The following CTNNA2 variants were observed in gnomAD, a reference collection of about 807,000 sequenced individuals.
CTNNA2 encodes the protein catenin alpha 2, also known as catenin alpha-2.
In CTNNA2, 42 loss-of-function variants were observed where a neutral mutation model predicts 101.0. The observed-to-expected ratio is 0.42, with a 90% CI of 0.32 to 0.54. The LOEUF is 0.54. Among genes scored for constraint, CTNNA2 ranks in the 20% least tolerant of loss-of-function variants. The pLI is 0.14. For missense variants in CTNNA2, 871 were observed against 1,223.1 expected, an observed-to-expected ratio of 0.71 and a Z score of 4.29; for synonymous variants, 450 against 456.4, an observed-to-expected ratio of 0.99 and a Z score of 0.18.
At chr2:80,305,763 G>T (rs1360759587) in intron 7 of CTNNA2, among the ~76,000 whole-genome samples, 2 of 152,066 alleles carry the variant, frequency 1.3e-5, no homozygotes, top group Admixed American at 6.6e-5. Flanking sequence ...GGGAGGGTCA[G>T]TTGGTCATCT....
At chr2:79,544,346 A>G (rs777461048) in intron 1 of CTNNA2, among the ~76,000 whole-genome samples, 2 of 152,204 alleles carry the variant, frequency 1.3e-5, no homozygotes, top group Non-Finnish European at 2.9e-5. Context: ...AAGACAAACC[A>G]CAAAATGACT....
intron 3 of CTNNA2, among the ~76,000 whole-genome samples, chr2:79,784,320 C>T (rs1674676474): frequency 6.6e-6 from 1 of 151,830 alleles, no homozygotes; most frequent in African/African-American, 2.4e-5. Flanking sequence ...GCCGTAGTTC[C>T]CCTGGGCACA....
intron 4 of CTNNA2, among the ~76,000 whole-genome samples, chr2:79,480,849 T>C (rs1008422755): frequency 2.0e-5 from 3 of 152,188 alleles, no homozygotes; most frequent in Admixed American, 6.5e-5. Flanking sequence ...GTTTGCATCA[T>C]TAATCTTGTT....
At chr2:79,527,475 A>AAAG (rs1491453306) in intron 1 of CTNNA2, among the ~76,000 whole-genome samples, 4 of 52,980 alleles carry the variant, frequency 7.6e-5, no homozygotes, top group African/African-American at 6.5e-4. Flanking sequence ...CTAAAAATAC[A>AAAG]AAAAAAAAAA....
chr2:80,374,154 G>T (rs1320959773), intron 7 of CTNNA2, among the ~76,000 whole-genome samples: 1 of 152,124 alleles, frequency 6.6e-6, no homozygotes, highest in Non-Finnish European at 1.5e-5. Flanking sequence ...AGTTCGAGGT[G>T]CAGGTCCCAT....
At chr2:79,245,916 A>G (rs1385584979) in intron 2 of CTNNA2, among the ~76,000 whole-genome samples, 1 of 152,182 alleles carries the variant, frequency 6.6e-6, no homozygotes, top group African/African-American at 2.4e-5. Context: ...CAGTCAGGGA[A>G]AGCCTCAAGG....
chr2:79,936,773 T>C (rs1187254438), intron 7 of CTNNA2, among the ~76,000 whole-genome samples: 4 of 152,112 alleles, frequency 2.6e-5, no homozygotes, highest in Non-Finnish European at 5.9e-5. Flanking sequence ...TAGTTAAAAA[T>C]AATACAAAAT....
At position 80,123,779 on chromosome 2, in the gene CTNNA2, G is replaced by A. The variant is rs562263673; in HGVS notation, c.1056+213982G>A. ...GAGAAGGCAAAATCTGATTTCACTA[G>A]GATGTTACTGGATTCCTCTTCCATT... On this transcript the variant is annotated intron_variant, in intron 7 of 18. Coordinates refer to ENST00000402739, the MANE Select transcript of CTNNA2 (RefSeq NM_001282597.3). Among the ~76,000 whole-genome samples, 36 of 152,262 alleles carry A rather than the reference G, an allele frequency of 2.4e-4. 1 individual carries two copies. The South Asian group carries it at 6.6e-3, about 28-fold the overall frequency.
chr2:79,422,366 G>C (rs542691803), intron 4 of CTNNA2, among the ~76,000 whole-genome samples: 16 of 152,164 alleles, frequency 1.1e-4, no homozygotes, highest in African/African-American at 3.6e-4. Flanking sequence ...ACAACTAGAA[G>C]AGGGTGAGCT....
chr2:79,940,873 G>T (rs1312774617), intron 7 of CTNNA2, among the ~76,000 whole-genome samples: 1 of 152,174 alleles, frequency 6.6e-6, no homozygotes, highest in African/African-American at 2.4e-5. Context: ...TGGTTGTATG[G>T]CTACTCAAAA....
Position 80,609,843 on chromosome 2 carries a change from C to T in CTNNA2, c.2430+1525C>T, listed in dbSNP as rs181374616. 5.9e-5 allele frequency among the ~76,000 whole-genome samples: 9 copies of T among 151,822 alleles called. No individual in the cohort carries two copies. The East Asian group carries it at 9.8e-4, about 16-fold the overall frequency. On this transcript the variant is annotated intron_variant, in intron 17 of 18. Transcript: ENST00000402739. ...TCTGGGCAATTTTTACTAGCAGAGC[C>T]GCTCTCCATCATCCTCTCAGTACCC... is the stretch of plus-strand genomic sequence containing the variant.
At chr2:79,937,486 T>C (rs35502473) in intron 7 of CTNNA2, among the ~76,000 whole-genome samples, 5,577 of 152,334 alleles carry the variant, frequency 0.037, 129 homozygotes, top group Non-Finnish European at 0.055. Context: ...TATCTGCACA[T>C]ACCCCTCATT....
At chr2:80,419,002 A>G (rs1303014346) in intron 8 of CTNNA2, among the ~76,000 whole-genome samples, 1 of 152,194 alleles carries the variant, frequency 6.6e-6, no homozygotes. Flanking sequence ...TGGATCTAGA[A>G]TGGGCAGGAG....
intron 7 of CTNNA2, among the ~76,000 whole-genome samples, chr2:79,962,639 A>T (rs1454934534): frequency 1.3e-5 from 2 of 152,058 alleles, no homozygotes; most frequent in African/African-American, 4.8e-5. Flanking sequence ...TGTGCTGGAG[A>T]GGTTAGGATG....
chr2:80,243,642 A>G (rs1671114725), intron 7 of CTNNA2, among the ~76,000 whole-genome samples: 1 of 152,190 alleles, frequency 6.6e-6, no homozygotes, highest in Non-Finnish European at 1.5e-5. Flanking sequence ...TGGATATACT[A>G]CAGTTTGTTT....
intron 7 of CTNNA2, among the ~76,000 whole-genome samples, chr2:80,130,052 CA>C (rs974320814): frequency 2.6e-5 from 4 of 151,916 alleles, no homozygotes; most frequent in African/African-American, 9.7e-5. Flanking sequence ...CTAACCTGAT[CA>C]AAAGAAGAAG....
intron 4 of CTNNA2, among the ~76,000 whole-genome samples, chr2:79,859,691 G>T (rs1330817419): frequency 1.3e-5 from 2 of 151,962 alleles, no homozygotes; most frequent in Non-Finnish European, 2.9e-5. Context: ...GCCAGGAAAG[G>T]CTCTTGAAAT....
chr2:79,768,330 T>G (rs986497499), intron 3 of CTNNA2, among the ~76,000 whole-genome samples: 2 of 151,120 alleles, frequency 1.3e-5, no homozygotes, highest in African/African-American at 4.8e-5. Context: ...GTTTTAACAC[T>G]GTATGATTGA....
At chr2:80,125,626 A>AGAGAATGGTTCTCAT (rs1210972518) in intron 7 of CTNNA2, among the ~76,000 whole-genome samples, 1 of 152,170 alleles carries the variant, frequency 6.6e-6, no homozygotes, top group Non-Finnish European at 1.5e-5. Flanking sequence ...CCAGGTGGCA[A>AGAGAATGGTTCTCAT]GAGAATGGTT....
Sources: gnomAD v4.1 joint callset for allele counts (sites outside exome capture counted in the v4.1 genomes callset) on GRCh38, gnomAD v4.1.1 for gene constraint, MANE v1.5 for transcripts, NCBI Gene and HGNC (gene_info 2026-07-23, HGNC 2026-07-21) for gene names.